Variants in DAB1 observed in about 807,000 individuals in gnomAD.
DAB1 encodes the protein DAB adaptor protein 1.
Under a neutral mutation model 64.6 loss-of-function variants are expected in DAB1, and 15 were observed. The ratio of observed to expected loss-of-function variants is 0.23; its 90% CI spans 0.16 to 0.36. DAB1 has a LOEUF of 0.36. Ranked by LOEUF, DAB1 falls within the 10% of genes least tolerant of loss-of-function variation. DAB1 has a pLI of 1.00. For synonymous variants in DAB1, 235 were observed against 251.9 expected, an observed-to-expected ratio of 0.93 and a Z score of 0.64; for missense variants, 596 against 706.7, an observed-to-expected ratio of 0.84 and a Z score of 1.78.
chr1:57,581,962 T>C (rs553119461), intron 7 of DAB1, among the ~76,000 whole-genome samples: 1 of 152,202 alleles, frequency 6.6e-6, no homozygotes, highest in Non-Finnish European at 1.5e-5. Context: ...AAGATCAAGA[T>C]GCCAGCAGAT....
intron 5 of DAB1, among the ~76,000 whole-genome samples, chr1:57,890,973 A>G (rs1437674009): frequency 6.6e-6 from 1 of 152,202 alleles, no homozygotes; most frequent in East Asian, 1.9e-4. Flanking sequence ...TCATGACTAA[A>G]ACACCAAAAG....
chr1:57,852,897 C>T (rs542152475), intron 1 of DAB1, among the ~76,000 whole-genome samples: 1 of 152,108 alleles, frequency 6.6e-6, no homozygotes, highest in Admixed American at 6.6e-5. Flanking sequence ...TCCTCAGGGA[C>T]CTAGAAAGGT....
chr1:57,770,548 C>T (rs974686127), intron 6 of DAB1, among the ~76,000 whole-genome samples: 6 of 152,012 alleles, frequency 3.9e-5, no homozygotes, highest in African/African-American at 1.4e-4. Flanking sequence ...GCCTTCATGC[C>T]TGCCCAAAAA....
At chr1:57,785,374 G>A (rs931929891) in intron 6 of DAB1, among the ~76,000 whole-genome samples, 5 of 152,130 alleles carry the variant, frequency 3.3e-5, no homozygotes, top group Non-Finnish European at 7.4e-5. Flanking sequence ...CGATTCATAA[G>A]GATATGGATG....
chr1:57,386,919 A>T (rs1681917384), intron 1 of DAB1: 1 of 152,206 alleles, frequency 6.6e-6, no homozygotes, highest in Admixed American at 6.5e-5. Context: ...TGCTGATGCC[A>T]TCGGCTCTTT....
chr1:57,879,334 A>C (rs990098584), intron 1 of DAB1, among the ~76,000 whole-genome samples: 1 of 152,156 alleles, frequency 6.6e-6, no homozygotes, highest in Non-Finnish European at 1.5e-5. Flanking sequence ...CCCCATCTTC[A>C]AAGACCTTAG....
chr1:58,119,840 T>C (rs780791287), intron 5 of DAB1, among the ~76,000 whole-genome samples: 20 of 152,174 alleles, frequency 1.3e-4, no homozygotes, highest in Non-Finnish European at 2.1e-4. Flanking sequence ...AGGGACATGA[T>C]GCTCCTATTT....
chr1:57,629,432 A>G (rs1164122259), intron 7 of DAB1, among the ~76,000 whole-genome samples: 2 of 152,170 alleles, frequency 1.3e-5, no homozygotes, highest in Non-Finnish European at 2.9e-5. Context: ...AGAGGTAAGG[A>G]GGGGAAAGAG....
chr1:57,426,876 T>TATATATATATATA (rs1383757354), upstream of DAB1, among the ~76,000 whole-genome samples: 57 of 135,048 alleles, frequency 4.2e-4, no homozygotes, highest in African/African-American at 1.4e-3. Context: ...ATATATATAT[T>TATATATATATATA]TTTTTGAGAC....
intron 3 of DAB1, among the ~76,000 whole-genome samples, chr1:58,345,000 C>A (rs1452034981): frequency 6.6e-6 from 1 of 152,204 alleles, no homozygotes; most frequent in Non-Finnish European, 1.5e-5. Flanking sequence ...CCTATAGATG[C>A]ATTTGCTCAT....
intron 5 of DAB1, among the ~76,000 whole-genome samples, chr1:57,909,674 A>G (rs1004439559): frequency 1.3e-5 from 2 of 152,232 alleles, no homozygotes; most frequent in African/African-American, 4.8e-5. Context: ...AAGAAAAAAA[A>G]TATTGCAGGT....
intron 2 of DAB1, among the ~76,000 whole-genome samples, chr1:57,158,657 T>C (rs1276509038): frequency 6.6e-6 from 1 of 152,152 alleles, no homozygotes; most frequent in Non-Finnish European, 1.5e-5. Context: ...AGGTGTTGAT[T>C]TGCAATGGAC....
At chr1:57,509,519 A>G (rs1378818083) in intron 7 of DAB1, among the ~76,000 whole-genome samples, 1 of 151,670 alleles carries the variant, frequency 6.6e-6, no homozygotes, top group Non-Finnish European at 1.5e-5. Context: ...CACCTTCTTC[A>G]TTTTCCTCTC....
At chr1:57,412,818 A>C (rs964262920) in intron 1 of DAB1, among the ~76,000 whole-genome samples, 1 of 152,236 alleles carries the variant, frequency 6.6e-6, no homozygotes, top group African/African-American at 2.4e-5. Context: ...CTGATATAGA[A>C]GCTACAACAA....
chr1:58,403,773 T>C (rs188618957), intron 3 of DAB1, among the ~76,000 whole-genome samples: 1 of 152,294 alleles, frequency 6.6e-6, no homozygotes, highest in East Asian at 1.9e-4. Context: ...TGCCGCTACC[T>C]TCCCATCCCC....
At chr1:57,096,178 GA>G (rs1654147012) in intron 4 of DAB1, among the ~76,000 whole-genome samples, 1 of 152,118 alleles carries the variant, frequency 6.6e-6, no homozygotes, top group Non-Finnish European at 1.5e-5. Context: ...CAGCCAGCTG[GA>G]AAAGTAGTGG....
chr1:57,527,766 A>G (rs1435014521), intron 7 of DAB1, among the ~76,000 whole-genome samples: 1 of 152,118 alleles, frequency 6.6e-6, no homozygotes, highest in Non-Finnish European at 1.5e-5. Flanking sequence ...AGGGTCAGGG[A>G]GTTGATAGAG....
chr1:57,709,616 G>A (rs1184712422), intron 6 of DAB1, among the ~76,000 whole-genome samples: 1 of 152,104 alleles, frequency 6.6e-6, no homozygotes, highest in Non-Finnish European at 1.5e-5. Context: ...TCTTGCTACA[G>A]AGAAGGGTCC....
chr1:57,693,646 T>A (rs1646790715), intron 6 of DAB1, among the ~76,000 whole-genome samples: 1 of 152,150 alleles, frequency 6.6e-6, no homozygotes, highest in African/African-American at 2.4e-5. Flanking sequence ...TCACAATAAA[T>A]CTTGCTGCTG....
Sources: allele counts gnomAD v4.1 joint callset (sites outside exome capture counted in the v4.1 genomes callset), GRCh38; gene constraint gnomAD v4.1.1; transcripts MANE v1.5; gene names NCBI Gene and HGNC (gene_info 2026-07-23, HGNC 2026-07-21).